KIAA1217: variants seen among roughly 807,000 people sequenced by gnomAD.
KIAA1217 encodes the protein sickle tail protein homolog.
KIAA1217 carries 88 observed loss-of-function variants against 163.9 expected under a neutral mutation model. The observed-to-expected ratio is 0.54, with a 90% confidence interval of 0.45 to 0.64. KIAA1217 has a LOEUF of 0.64. Among genes scored for constraint, KIAA1217 ranks in the 30% least tolerant of loss-of-function variants. The probability of loss-of-function intolerance (pLI) is 0.00; values close to 1 mark genes in which losing one functional copy is unlikely to be tolerated. For missense variants in KIAA1217, 2,372 were observed against 2,475.0 expected (o/e 0.96, Z 0.88); for synonymous variants, 903 against 923.1 (o/e 0.98, Z 0.39).
intron 1 of KIAA1217, among the ~76,000 whole-genome samples, chr10:23,743,147 C>T (rs1236312326): frequency 2.0e-5 from 3 of 151,748 alleles, no homozygotes; most frequent in African/African-American, 7.3e-5. Context: ...CTTTATGGTA[C>T]GTTTGAATGT....
rs1321145924 is a variant in KIAA1217 at position 24,547,523 on chromosome 10, T to C, written c.*1199T>C. On this transcript the variant is annotated 3_prime_UTR_variant, in exon 21 of 21. Coordinates refer to ENST00000376454, the MANE Select transcript of KIAA1217 (RefSeq NM_019590.5). ...CCTTGTCACTATAACTACTTCCTAGTCAAAGAACGAAATGTAACTGTTACC... is the reference window on the plus strand; with the variant it reads ...CCTTGTCACTATAACTACTTCCTAGCCAAAGAACGAAATGTAACTGTTACC... The C allele has an allele frequency of 1.3e-5, 2 of 152,336 alleles. No individual in the cohort carries two copies. The highest frequency in any genetic ancestry group is 2.9e-5 in the Non-Finnish European group (2 of 68,038). 9.4% of individuals were successfully genotyped at this position (152,336 alleles called of 1,614,324 possible). A position where few individuals can be genotyped will look rare whatever the true frequency, so the allele number is the denominator to read the frequency against.
chr10:24,220,069 G>T (rs573870560), intron 2 of KIAA1217, among the ~76,000 whole-genome samples, 160 bp downstream of exon 2: 1 of 152,180 alleles, frequency 6.6e-6, no homozygotes, highest in Non-Finnish European at 1.5e-5. Context: ...GGAGGAAGCC[G>T]GGTGTAGAAA....
chr10:24,111,046 T>C (rs2062825780), intron 2 of KIAA1217, among the ~76,000 whole-genome samples: 1 of 152,240 alleles, frequency 6.6e-6, no homozygotes, highest in Non-Finnish European at 1.5e-5. Flanking sequence ...CAAGAATGAT[T>C]GTATTGTGTG....
rs1361719133 is a variant in KIAA1217 at position 24,183,161 on chromosome 10, G to C, written c.-170-36465G>C. The stretch of plus-strand genomic sequence containing the variant: ...ACCTTTGACCTTCTCTACCATGTAT[G>C]ATGCAGCACAATAGCCCTCACCGGA... On this transcript the variant is annotated intron_variant, in intron 2 of 18. Coordinates refer to the KIAA1217 transcript ENST00000376462. Among the ~76,000 whole-genome samples, 25 of 152,154 alleles carry C rather than the reference G, an allele frequency of 1.6e-4. 1 individual carries two copies. The highest frequency in any genetic ancestry group is 1.6e-3 in the Admixed American group (25 of 15,264).
chr10:23,887,436 T>C (rs778120339), intron 1 of KIAA1217, among the ~76,000 whole-genome samples: 15 of 151,870 alleles, frequency 9.9e-5, no homozygotes, highest in Admixed American at 6.6e-4. Context: ...TAGGCGACCA[T>C]TAGGCTAAGT....
chr10:23,924,939 T>C lies in KIAA1217; in HGVS notation c.-320-82286T>C, dbSNP rs374918293. Among the ~76,000 whole-genome samples the C allele has an allele frequency of 3.6e-4, 49 of 135,580 alleles. No homozygotes were observed. The East Asian group carries it at 8.7e-3, about 24-fold the overall frequency. The allele number at this position is 135,580 out of a possible 152,430, so 88.9% of individuals were successfully genotyped here. On this transcript the variant is annotated intron_variant, in intron 1 of 18. Transcript: ENST00000376462. ...ATTTTAGAAATTTTTAAAAGTAGAT[T>C]TACTTAGAGAAAACTTAAAAAAAAA...
intron 1 of KIAA1217, among the ~76,000 whole-genome samples, chr10:23,916,976 A>AG (rs545166021): frequency 6.1e-4 from 92 of 151,774 alleles, no homozygotes; most frequent in African/African-American, 2.1e-3. Context: ...CTCAAAAAAA[A>AG]AAAAAAAAAA....
At chr10:24,090,808 C>T (rs1159597040) in intron 2 of KIAA1217, among the ~76,000 whole-genome samples, 1 of 151,832 alleles carries the variant, frequency 6.6e-6, no homozygotes, top group African/African-American at 2.4e-5. Context: ...AAAAGGATAG[C>T]AATCTTATTT....
intron 5 of KIAA1217, among the ~76,000 whole-genome samples, chr10:24,445,295 A>G (rs149691129): frequency 2.3e-4 from 35 of 152,194 alleles, no homozygotes; most frequent in African/African-American, 7.9e-4. Context: ...TGATATTTCC[A>G]TTTAAGTTTT....
intron 1 of KIAA1217, among the ~76,000 whole-genome samples, chr10:23,850,353 G>A (rs1284715615): frequency 6.6e-6 from 1 of 152,116 alleles, no homozygotes; most frequent in Non-Finnish European, 1.5e-5. Flanking sequence ...ACAGAGAAGA[G>A]TAATCATGGC....
chr10:24,156,563 C>T (rs1234672146), intron 2 of KIAA1217, among the ~76,000 whole-genome samples: 1 of 152,142 alleles, frequency 6.6e-6, no homozygotes, highest in Non-Finnish European at 1.5e-5. Context: ...GGTAACAAGA[C>T]TCACCTGCCA....
At chr10:24,494,476 A>C in intron 6 of KIAA1217, 24 bp from the exon 7 acceptor site, 1 of 1,579,476 alleles carries the variant, frequency 6.3e-7, no homozygotes, top group Non-Finnish European at 8.7e-7. Flanking sequence ...TAAAGCTTTA[A>C]CAAACAATTC....
chr10:23,932,962 G>A (rs555383663), intron 1 of KIAA1217, among the ~76,000 whole-genome samples: 2 of 152,282 alleles, frequency 1.3e-5, no homozygotes, highest in East Asian at 3.9e-4. Flanking sequence ...GCTATGACAG[G>A]TAAATTGAAT....
At chr10:24,155,040 G>T (rs1363036370) in intron 2 of KIAA1217, among the ~76,000 whole-genome samples, 2 of 152,154 alleles carry the variant, frequency 1.3e-5, no homozygotes, top group Non-Finnish European at 2.9e-5. Flanking sequence ...GATAAAAAGA[G>T]TTCTGGAGAT....
intron 1 of KIAA1217, among the ~76,000 whole-genome samples, chr10:23,911,025 C>G (rs796166861): frequency 6.6e-6 from 1 of 152,192 alleles, no homozygotes; most frequent in East Asian, 1.9e-4. Flanking sequence ...GCCACCAACA[C>G]TTAATGTCTA....
chr10:24,087,398 T>A (rs1462511462), intron 2 of KIAA1217, among the ~76,000 whole-genome samples: 1 of 152,208 alleles, frequency 6.6e-6, no homozygotes, highest in Non-Finnish European at 1.5e-5. Context: ...ATGTACGGTG[T>A]CATTGGTTTA....
chr10:24,093,734 T>C (rs1435169026), intron 2 of KIAA1217, among the ~76,000 whole-genome samples: 2 of 150,942 alleles, frequency 1.3e-5, no homozygotes, highest in Non-Finnish European at 2.9e-5. Context: ...TGTGCCATGC[T>C]GGTGTGCTGC....
intron 1 of KIAA1217, among the ~76,000 whole-genome samples, chr10:23,759,620 T>C (rs1429108805): frequency 6.6e-6 from 1 of 152,206 alleles, no homozygotes; most frequent in African/African-American, 2.4e-5. Flanking sequence ...GAATGTCTGA[T>C]TTCAGGGTAA....
At chr10:24,047,008 A>G (rs1304198402) in intron 2 of KIAA1217, among the ~76,000 whole-genome samples, 1 of 152,268 alleles carries the variant, frequency 6.6e-6, no homozygotes, top group Non-Finnish European at 1.5e-5. Context: ...TTCTGCTTTC[A>G]GCATTTGTAT....
Sources: allele counts gnomAD v4.1 joint callset (sites outside exome capture counted in the v4.1 genomes callset), GRCh38; gene constraint gnomAD v4.1.1; transcripts MANE v1.5; gene names NCBI Gene and HGNC (gene_info 2026-07-23, HGNC 2026-07-21).